The following ZNF215 variants were observed in gnomAD, a reference collection of about 807,000 sequenced individuals.
The protein encoded by ZNF215 is BWSCR2-associated zinc finger protein 2.
ZNF215 carries 24 observed loss-of-function variants against 27.2 expected under a neutral mutation model. The ratio of observed to expected loss-of-function variants is 0.88; its 90% CI spans 0.64 to 1.24. The LOEUF (loss-of-function observed/expected upper bound fraction) is 1.24. ZNF215 is among the 50% of genes most tolerant of loss of function. The pLI, the probability that ZNF215 is intolerant of heterozygous loss-of-function variation, is 0.00. For synonymous variants in ZNF215, 210 were observed against 204.0 expected, an observed-to-expected ratio of 1.03 and a Z score of -0.25; for missense variants, 675 against 605.7, an observed-to-expected ratio of 1.11 and a Z score of -1.20.
intron 5 of ZNF215, among the ~76,000 whole-genome samples, chr11:6,972,117 A>G (rs1850730171): frequency 6.6e-6 from 1 of 152,148 alleles, no homozygotes; most frequent in Non-Finnish European, 1.5e-5. Context: ...GGGAAACTAC[A>G]TTAAATGTTT....
At chr11:6,989,150 CAAAAAAAAAAAAAAA>C (rs71056776), downstream of ZNF215, among the ~76,000 whole-genome samples, 7 of 76,784 alleles carry the variant, frequency 9.1e-5, no homozygotes, top group African/African-American at 2.9e-4. Context: ...AGATCCGTCT[CAAAAAAAAAAAAAAA>C]AAAAAAAAAG....
At chr11:6,942,477 A>G (rs1380782062) in intron 4 of ZNF215, among the ~76,000 whole-genome samples, 1 of 152,204 alleles carries the variant, frequency 6.6e-6, no homozygotes, top group East Asian at 1.9e-4. Context: ...ATACAGGCAA[A>G]TACAAGCAAA....
At chr11:6,943,938 A>G (rs565821619) in intron 6 of ZNF215, among the ~76,000 whole-genome samples, 2 of 152,238 alleles carry the variant, frequency 1.3e-5, no homozygotes, top group East Asian at 3.9e-4. Context: ...CCTCCAGGTT[A>G]CTGTGAGGAC....
At chr11:6,951,649 G>T (rs1850072164) in intron 6 of ZNF215, among the ~76,000 whole-genome samples, 1 of 152,112 alleles carries the variant, frequency 6.6e-6, no homozygotes, top group Non-Finnish European at 1.5e-5. Context: ...TCTTGCTAGT[G>T]ATCTATCAAT....
At chr11:6,940,057 TAAAGAAAAAA>T (rs1486515869) in intron 3 of ZNF215, among the ~76,000 whole-genome samples, 2 of 147,526 alleles carry the variant, frequency 1.4e-5, no homozygotes, top group Non-Finnish European at 3.0e-5. Flanking sequence ...ACCCTGTCTC[TAAAGAAAAAA>T]AAAGAAAAAA....
intron 4 of ZNF215, among the ~76,000 whole-genome samples, chr11:6,942,788 A>G (rs184033130): frequency 6.6e-6 from 1 of 152,242 alleles, no homozygotes; most frequent in African/African-American, 2.4e-5. Context: ...TTTTTGTTCT[A>G]CAGTTATTCC....
At chr11:6,959,156 G>A (rs1850464373), downstream of ZNF215, among the ~76,000 whole-genome samples, 1 of 152,156 alleles carries the variant, frequency 6.6e-6, no homozygotes, top group African/African-American at 2.4e-5. Context: ...CATGAAGAGT[G>A]TAGATTAACC....
intron 5 of ZNF215, among the ~76,000 whole-genome samples, chr11:6,982,500 C>G (rs546670941): frequency 3.9e-4 from 59 of 152,052 alleles, no homozygotes; most frequent in Non-Finnish European, 6.2e-4. Flanking sequence ...TGACCACATA[C>G]TTGGAAGTAA....
intron 6 of ZNF215, among the ~76,000 whole-genome samples, chr11:6,952,604 C>G (rs1781841629): frequency 6.6e-6 from 1 of 151,772 alleles, no homozygotes; most frequent in African/African-American, 2.4e-5. Flanking sequence ...TTCCTCCATC[C>G]TTTTATTTTG....
intron 5 of ZNF215, among the ~76,000 whole-genome samples, chr11:6,964,216 G>A (rs1052604768): frequency 1.3e-5 from 2 of 151,820 alleles, no homozygotes; most frequent in African/African-American, 4.8e-5. Flanking sequence ...TATGTATTTT[G>A]TGTAAATATT....
chr11:6,943,919 T>C (rs1849724103), intron 6 of ZNF215, among the ~76,000 whole-genome samples: 1 of 143,480 alleles, frequency 7.0e-6, no homozygotes, highest in Admixed American at 6.8e-5. Flanking sequence ...GAGTTAATAA[T>C]AGTATCTACC....
At position 6,956,131 on chromosome 11, in the gene ZNF215, G is replaced by A. The variant is rs1277567725; in HGVS notation, c.1154G>A (p.Gly385Glu). 1 of 1,613,584 alleles carries A rather than the reference G, an allele frequency of 6.2e-7. No homozygotes were observed. The highest frequency in any genetic ancestry group is 1.3e-5 in the African/African-American group (1 of 74,886). Residue 385 changes from glycine to glutamate, a missense_variant, in exon 7 of 7, where the codon GGG (glycine) becomes GAG (glutamate). By Grantham distance (98) the Gly-to-Glu change is moderately conservative. Transcript: ENST00000278319. ...TMNSYECYQC[G>E]KAFCRSSSLI... is the part of the protein sequence containing the mutation. ...AATTCCTATGAATGTTATCAATGTG[G>A]GAAAGCCTTCTGCCGAAGTTCATCC...
At chr11:6,974,891 T>A (rs1445945840) in intron 5 of ZNF215, among the ~76,000 whole-genome samples, 1 of 152,192 alleles carries the variant, frequency 6.6e-6, no homozygotes, top group Non-Finnish European at 1.5e-5. Flanking sequence ...TATTTCTTTC[T>A]CCTGCCTGAT....
chr11:6,968,319 A>G (rs1405876750), intron 5 of ZNF215, among the ~76,000 whole-genome samples: 2 of 152,120 alleles, frequency 1.3e-5, no homozygotes, highest in Non-Finnish European at 2.9e-5. Flanking sequence ...TAATTCTGTG[A>G]AGAAAGTCAG....
intron 5 of ZNF215, among the ~76,000 whole-genome samples, chr11:6,963,801 G>C (rs1850563494): frequency 6.6e-6 from 1 of 152,018 alleles, no homozygotes; most frequent in Non-Finnish European, 1.5e-5. Context: ...GATATTCCCA[G>C]TTTTGCTTTG....
chr11:6,982,242 C>G lies in ZNF215; in HGVS notation c.806-1887C>G, dbSNP rs560320028. 1.3e-4 allele frequency among the ~76,000 whole-genome samples: 19 copies of G among 151,878 alleles called. No individual in the cohort carries two copies. The South Asian group carries it at 3.1e-3, about 25-fold the overall frequency. ...GATATATGCACCCAATACAGGAGCA[C>G]CCAGATTCATAAAGCAAGTCCTGAG... is the stretch of plus-strand genomic sequence containing the variant. On this transcript the variant is annotated intron_variant, in intron 5 of 5. Coordinates refer to the ZNF215 transcript ENST00000529903.
chr11:6,965,800 GA>G (rs1564971647), intron 5 of ZNF215, among the ~76,000 whole-genome samples: 1 of 152,078 alleles, frequency 6.6e-6, no homozygotes, highest in Non-Finnish European at 1.5e-5. Flanking sequence ...ATCTCATTGA[GA>G]TTTTTTTATA....
At chr11:6,988,507 A>G (rs1034822683), downstream of ZNF215, 8 of 152,894 alleles carry the variant, frequency 5.2e-5, no homozygotes, top group Admixed American at 4.6e-4. Flanking sequence ...CAAGAGGGGA[A>G]ACCAGCTCTT....
intron 5 of ZNF215, among the ~76,000 whole-genome samples, chr11:6,981,787 A>G (rs1361338075): frequency 6.6e-6 from 1 of 151,976 alleles, no homozygotes; most frequent in Non-Finnish European, 1.5e-5. Flanking sequence ...ATTTTTGTAT[A>G]AGGTGTAAGG....
Sources: gnomAD v4.1 joint callset for allele counts (sites outside exome capture counted in the v4.1 genomes callset) on GRCh38, gnomAD v4.1.1 for gene constraint, MANE v1.5 for transcripts, NCBI Gene and HGNC (gene_info 2026-07-23, HGNC 2026-07-21) for gene names.